Variants in EBF1 observed in about 807,000 individuals in gnomAD.
EBF1 encodes the protein EBF transcription factor 1.
In EBF1, 10 loss-of-function variants were observed where a neutral mutation model predicts 68.4. That is an observed-to-expected ratio of 0.15 (90% CI 0.09 to 0.25). The LOEUF is 0.25. EBF1 is among the 10% of genes least tolerant of loss of function. EBF1 has a pLI of 1.00. For missense variants in EBF1, 509 were observed against 794.4 expected (o/e 0.64, Z 4.32); for synonymous variants, 298 against 299.8 (o/e 0.99, Z 0.06).
At chr5:159,097,422 A>G in intron 1 of EBF1, 1 of 430,472 alleles carries the variant, frequency 2.3e-6, no homozygotes, top group Non-Finnish European at 4.2e-6. Flanking sequence ...ATAAGCATTT[A>G]CTCCTACCTG....
intron 6 of EBF1, among the ~76,000 whole-genome samples, chr5:158,969,902 A>AAG (rs1387934081): frequency 8.4e-6 from 1 of 119,016 alleles, no homozygotes. Flanking sequence ...GAAAGAAAGA[A>AAG]AGAAAGAAAG....
intron 9 of EBF1, among the ~76,000 whole-genome samples, chr5:158,791,574 T>C (rs1372273513): frequency 1.3e-5 from 2 of 151,324 alleles, no homozygotes; most frequent in Non-Finnish European, 2.9e-5. Context: ...AAACCCACCA[T>C]TGTACTTTTT....
At chr5:159,046,632 G>A (rs1370126527) in intron 6 of EBF1, among the ~76,000 whole-genome samples, 2 of 152,266 alleles carry the variant, frequency 1.3e-5, no homozygotes, top group East Asian at 3.9e-4. Context: ...TTATTGAGTT[G>A]TACACTCTGC....
chr5:158,794,785 G>C (rs1779323526), intron 9 of EBF1, among the ~76,000 whole-genome samples: 1 of 152,160 alleles, frequency 6.6e-6, no homozygotes, highest in South Asian at 2.1e-4. Context: ...TCTCCAGCAG[G>C]AGGAAGACAG....
rs756920001 is a variant in EBF1, at chr5:159,029,107, G to GA, written c.554+44288dup. On this transcript the variant is annotated intron_variant, in intron 6 of 15. Transcript: ENST00000313708. ...CCATAAAGAATGAATCAATGGGAATGAAATAGAGAAGTCACCAAAAAAGAC... is the reference window on the plus strand; with the variant it reads ...CCATAAAGAATGAATCAATGGGAATGAAAATAGAGAAGTCACCAAAAAAGAC... Among the ~76,000 whole-genome samples, 18 of 152,228 alleles carry GA rather than the reference G, an allele frequency of 1.2e-4. 1 individual carries two copies. In the South Asian group the frequency reaches 3.7e-3, roughly 32 times the overall value.
intron 2 of EBF1, 34 bp downstream of exon 2, chr5:159,096,939 CG>C: frequency 1.2e-6 from 2 of 1,608,512 alleles, no homozygotes; most frequent in South Asian, 1.1e-5. Flanking sequence ...CGAGCCGAGC[CG>C]GGGACGAGGG....
intron 6 of EBF1, among the ~76,000 whole-genome samples, chr5:159,001,843 C>T (rs1762602291): frequency 6.6e-6 from 1 of 152,176 alleles, no homozygotes. Context: ...ACCTGTTCCT[C>T]AGGAGAGTGG....
chr5:159,068,156 T>C (rs1259907824), intron 6 of EBF1, among the ~76,000 whole-genome samples: 1 of 152,150 alleles, frequency 6.6e-6, no homozygotes, highest in South Asian at 2.1e-4. Context: ...TGAAACTAAC[T>C]AAAAGCCTCA....
intron 6 of EBF1, among the ~76,000 whole-genome samples, chr5:158,924,993 C>T (rs1004012541): frequency 5.9e-5 from 9 of 152,116 alleles, no homozygotes; most frequent in African/African-American, 2.2e-4. Flanking sequence ...CCTGCCTACT[C>T]CTCTACAGCC....
chr5:158,819,472 C>A (rs1359513922), intron 8 of EBF1, among the ~76,000 whole-genome samples: 4 of 152,304 alleles, frequency 2.6e-5, no homozygotes, highest in African/African-American at 9.6e-5. Context: ...GAAACTGATG[C>A]CACAGTTGGC....
At chr5:158,867,826 A>G (rs974904341) in intron 6 of EBF1, among the ~76,000 whole-genome samples, 2 of 152,194 alleles carry the variant, frequency 1.3e-5, no homozygotes, top group Non-Finnish European at 2.9e-5. Context: ...GAAAAACTAG[A>G]TACTTGAAAA....
At chr5:158,933,883 G>A (rs191427992) in intron 6 of EBF1, among the ~76,000 whole-genome samples, 26 of 152,336 alleles carry the variant, frequency 1.7e-4, no homozygotes, top group Middle Eastern at 6.8e-3. Context: ...AGATCTTTCA[G>A]TAAACACAGC....
At chr5:159,063,251 A>G (rs1435491376) in intron 6 of EBF1, among the ~76,000 whole-genome samples, 1 of 152,150 alleles carries the variant, frequency 6.6e-6, no homozygotes, top group Non-Finnish European at 1.5e-5. Context: ...AAACAGCTAA[A>G]ATTAGAATTC....
At chr5:159,067,339 A>G (rs537248212) in intron 6 of EBF1, among the ~76,000 whole-genome samples, 67 of 152,332 alleles carry the variant, frequency 4.4e-4, no homozygotes, top group South Asian at 3.3e-3. Flanking sequence ...TTAAAAACCT[A>G]CACCACGGGC....
At chr5:158,702,456 T>C (rs1421951345) in intron 15 of EBF1, among the ~76,000 whole-genome samples, 1 of 152,170 alleles carries the variant, frequency 6.6e-6, no homozygotes, top group East Asian at 1.9e-4. Flanking sequence ...TCATGTTCTC[T>C]GACAGAAGCT....
chr5:158,880,656 G>A (rs560036998), intron 6 of EBF1, among the ~76,000 whole-genome samples: 5 of 152,116 alleles, frequency 3.3e-5, no homozygotes, highest in South Asian at 2.1e-4. Context: ...ATAGCTAACC[G>A]GCCAACAGAT....
At chr5:159,088,105 A>C (rs1781032196) in intron 4 of EBF1, among the ~76,000 whole-genome samples, 1 of 152,176 alleles carries the variant, frequency 6.6e-6, no homozygotes, top group Non-Finnish European at 1.5e-5. Context: ...AGTGGAATTC[A>C]GTCAAAGACA....
At chr5:158,713,981 T>A (rs1760053065) in intron 12 of EBF1, 136 bp downstream of exon 12, 1 of 820,154 alleles carries the variant, frequency 1.2e-6, no homozygotes, top group Non-Finnish European at 2.0e-6. Flanking sequence ...TTGCAACATG[T>A]TATATCTGAA....
At chr5:159,053,468 C>G (rs574470922) in intron 6 of EBF1, among the ~76,000 whole-genome samples, 1 of 152,258 alleles carries the variant, frequency 6.6e-6, no homozygotes, top group Non-Finnish European at 1.5e-5. Flanking sequence ...TGCCTCTGGC[C>G]CCTTATTTTA....
Sources: gnomAD v4.1 joint callset for allele counts (sites outside exome capture counted in the v4.1 genomes callset) on GRCh38, gnomAD v4.1.1 for gene constraint, MANE v1.5 for transcripts, NCBI Gene and HGNC (gene_info 2026-07-23, HGNC 2026-07-21) for gene names.